RC3H2: variants seen among roughly 807,000 people sequenced by gnomAD.
RC3H2 encodes ring finger and CCCH-type domains 2.
Under a neutral mutation model 133.3 loss-of-function variants are expected in RC3H2, and 31 were observed. The observed-to-expected ratio is 0.23, with a 90% CI of 0.17 to 0.31. The LOEUF is 0.31. Ranked by LOEUF, RC3H2 falls within the 10% of genes least tolerant of loss-of-function variation. The pLI is 1.00. For missense variants in RC3H2, 1,175 were observed against 1,437.2 expected, an observed-to-expected ratio of 0.82 and a Z score of 2.95; for synonymous variants, 517 against 502.2, an observed-to-expected ratio of 1.03 and a Z score of -0.40.
intron 9 of RC3H2, among the ~76,000 whole-genome samples, chr9:122,866,689 T>A (rs1342195542): frequency 4.6e-5 from 7 of 151,942 alleles, no homozygotes; most frequent in Non-Finnish European, 8.8e-5. Context: ...TTGCAGACGA[T>A]GTCTGGTTCA....
At chr9:122,890,214 T>C (rs774786958) in intron 4 of RC3H2, 98 bp downstream of exon 4, 12 of 829,356 alleles carry the variant, frequency 1.4e-5, no homozygotes, top group Admixed American at 1.2e-4. Context: ...TTTGTACATA[T>C]AAAGACGGGT....
chr9:122,852,070 G>A (rs1156834371), intron 18 of RC3H2, among the ~76,000 whole-genome samples: 2 of 151,472 alleles, frequency 1.3e-5, no homozygotes, highest in Non-Finnish European at 1.5e-5. Flanking sequence ...CTTCCCGGCC[G>A]CCATCACATC....
At chr9:122,865,083 C>A (rs547890567) in intron 10 of RC3H2, among the ~76,000 whole-genome samples, 10 of 151,980 alleles carry the variant, frequency 6.6e-5, no homozygotes, top group South Asian at 6.2e-4. Flanking sequence ...GAAAAAAAAA[C>A]AATTCTGGTC....
intron 10 of RC3H2, among the ~76,000 whole-genome samples, chr9:122,864,792 T>C (rs1165913094): frequency 3.9e-5 from 6 of 152,062 alleles, no homozygotes; most frequent in Middle Eastern, 6.8e-3. Flanking sequence ...GGCTAATTTT[T>C]TTTTTGTATT....
At chr9:122,855,917 G>A in intron 13 of RC3H2, 39 bp from the exon 14 acceptor site, 1 of 1,548,032 alleles carries the variant, frequency 6.5e-7, no homozygotes, top group Non-Finnish European at 8.8e-7. Context: ...TTAGTAAGAA[G>A]CTTAAATTTA....
intron 8 of RC3H2, among the ~76,000 whole-genome samples, chr9:122,878,976 C>T (rs1273177075): frequency 2.7e-5 from 4 of 149,996 alleles, no homozygotes; most frequent in Admixed American, 6.6e-5. Flanking sequence ...AAGCTGGTCT[C>T]GAACTTCTGG....
chr9:122,893,054 CA>C, intron 2 of RC3H2, 28 bp from the exon 3 acceptor site: 1 of 1,582,626 alleles, frequency 6.3e-7, no homozygotes, highest in Non-Finnish European at 8.6e-7. Flanking sequence ...AGGAATATTG[CA>C]GAAATACATT....
In RC3H2 at chr9:122,844,848, C is replaced by T. The variant is rs1393659822; in HGVS notation, c.*4779G>A. 6.6e-6 allele frequency: 1 copy of T among 152,044 alleles called. No homozygotes were observed. The highest frequency in any genetic ancestry group is 2.4e-5 in the African/African-American group (1 of 41,352). 9.4% of individuals were successfully genotyped at this position (152,044 alleles called of 1,614,324 possible). A position where few individuals can be genotyped will look rare whatever the true frequency, so the allele number is the denominator to read the frequency against. Reference sequence around the variant, plus strand: ...CCTATTCCTATAGCACAAAGGGAAACATTACAATTTGGAAATTCAAATTGA... The same window carrying T: ...CCTATTCCTATAGCACAAAGGGAAATATTACAATTTGGAAATTCAAATTGA... On this transcript the variant is annotated 3_prime_UTR_variant, in exon 21 of 21. Transcript: ENST00000357244.
chr9:122,870,405 CAAACAAACAAA>C (rs1212324588), intron 9 of RC3H2, among the ~76,000 whole-genome samples: 4 of 70,000 alleles, frequency 5.7e-5, no homozygotes, highest in Non-Finnish European at 1.2e-4. Context: ...AACAAACAAA[CAAACAAACAAA>C]AAAAAAACAA....
At chr9:122,852,092 G>A (rs1017543656) in intron 18 of RC3H2, among the ~76,000 whole-genome samples, 2 of 150,776 alleles carry the variant, frequency 1.3e-5, no homozygotes, top group African/African-American at 2.4e-5. Flanking sequence ...AGGAAGTGAG[G>A]AGCGTCTCTG....
intron 2 of RC3H2, among the ~76,000 whole-genome samples, chr9:122,895,912 T>C (rs990838765): frequency 5.9e-5 from 9 of 152,150 alleles, no homozygotes; most frequent in South Asian, 2.1e-4. Context: ...TCATTAAATA[T>C]GTTATTTCAA....
At chr9:122,867,497 G>C (rs1447910113) in intron 9 of RC3H2, among the ~76,000 whole-genome samples, 1 of 144,758 alleles carries the variant, frequency 6.9e-6, no homozygotes, top group East Asian at 2.0e-4. Flanking sequence ...CCCTGTCGGG[G>C]ATGTGAGGGG....
chr9:122,903,011 C>T (rs1399681816), intron 1 of RC3H2, among the ~76,000 whole-genome samples: 1 of 152,026 alleles, frequency 6.6e-6, no homozygotes, highest in Non-Finnish European at 1.5e-5. Flanking sequence ...TGGTATTTTA[C>T]ACCTAAAGCA....
chr9:122,905,015 C>G (rs942529671), intron 1 of RC3H2, 95 bp downstream of exon 1: 2 of 873,474 alleles, frequency 2.3e-6, no homozygotes, highest in African/African-American at 3.6e-5. Flanking sequence ...CGACAGCGCA[C>G]AGGCCCCAGG....
intron 9 of RC3H2, among the ~76,000 whole-genome samples, chr9:122,873,261 A>G (rs192007711): frequency 6.6e-6 from 1 of 152,220 alleles, no homozygotes; most frequent in South Asian, 2.1e-4. Flanking sequence ...CACATCACCT[A>G]CTTTTCTAAT....
At position 122,851,410 on chromosome 9, in the gene RC3H2, T is replaced by C. The variant is rs1226987069; in HGVS notation, c.3144A>G (p.Ala1048=). 6.2e-7 allele frequency: 1 copy of C among 1,614,052 alleles called. No homozygotes were observed. Among genetic ancestry groups the C allele is most frequent in the Non-Finnish European group, 8.5e-7 (1 of 1,180,038 alleles). Residue 1048 remains alanine (A), a synonymous_variant, in exon 19 of 21, where the codon GCA becomes GCG. Transcript: ENST00000357244. ...GELQSDYTED[A]TDTKPDRDIE... ...TATCCCTATCAGGTTTAGTATCTGT[T>C]GCATCTTCTGTATAATCACTCTGTA...
chr9:122,889,306 A>C (rs1483709052), intron 4 of RC3H2, among the ~76,000 whole-genome samples: 1 of 152,144 alleles, frequency 6.6e-6, no homozygotes, highest in Non-Finnish European at 1.5e-5. Flanking sequence ...GTTATAAAGA[A>C]ATATATTCTT....
chr9:122,904,326 T>C (rs1026907924), intron 1 of RC3H2, among the ~76,000 whole-genome samples: 1 of 152,252 alleles, frequency 6.6e-6, no homozygotes, highest in African/African-American at 2.4e-5. Flanking sequence ...AGGATTTATC[T>C]GCCGGTATCT....
chr9:122,848,541 T>C lies in RC3H2; in HGVS notation c.*1086A>G, dbSNP rs1829914892. ...CACTGTTCTACTATTACACAGTTCA[T>C]AGTCTTATCAACCTAACAGTCAAAA... On this transcript the variant is annotated 3_prime_UTR_variant, in exon 21 of 21. Transcript: ENST00000357244. 6.6e-6 allele frequency: 1 copy of C among 152,204 alleles called. No homozygotes were observed. Among genetic ancestry groups the C allele is most frequent in the South Asian group, 2.1e-4 (1 of 4,820 alleles). 9.4% of individuals were successfully genotyped at this position (152,204 alleles called of 1,614,324 possible). A position where few individuals can be genotyped will look rare whatever the true frequency, so the allele number is the denominator to read the frequency against.
Sources: gnomAD v4.1 joint callset for allele counts (sites outside exome capture counted in the v4.1 genomes callset) on GRCh38, gnomAD v4.1.1 for gene constraint, MANE v1.5 for transcripts, NCBI Gene and HGNC (gene_info 2026-07-23, HGNC 2026-07-21) for gene names.